Variants in COL5A2 observed in about 807,000 individuals in gnomAD.
COL5A2 encodes the protein collagen alpha-2(V) chain.
In COL5A2, 23 loss-of-function variants were observed where a neutral mutation model predicts 208.2. That is an observed-to-expected ratio of 0.11 (90% CI 0.08 to 0.16). The LOEUF is 0.16. COL5A2 is among the 10% of genes least tolerant of loss of function. The pLI, the probability that COL5A2 is intolerant of heterozygous loss-of-function variation, is 1.00. For synonymous variants in COL5A2, 625 were observed against 628.5 expected, an observed-to-expected ratio of 0.99 and a Z score of 0.08; for missense variants, 1,590 against 1,956.4, an observed-to-expected ratio of 0.81 and a Z score of 3.53.
rs730880067 is a variant in COL5A2 at position 189,051,456 on chromosome 2, A to G, written c.2795T>C (p.Leu932Pro). ...AGGTCCCTCCTTCCCGGGTTCCCCT[A>G]GGGGTCCCGCAGGTCCTGGAGCTCC... ...PAGAPGPAGP[L>P]GEPGKEGPPG... Residue 932 changes from leucine to proline, a missense_variant, in exon 42 of 54, where the codon CTA (leucine) becomes CCA (proline). By Grantham distance (98) the Leu-to-Pro change is moderately conservative. Coordinates refer to ENST00000374866, the MANE Select transcript of COL5A2 (RefSeq NM_000393.5). 3 of 1,611,178 alleles carry G rather than the reference A, an allele frequency of 1.9e-6. No individual in the cohort carries two copies.
chr2:189,128,332 C>G (rs1687647580), intron 1 of COL5A2, among the ~76,000 whole-genome samples: 1 of 151,956 alleles, frequency 6.6e-6, no homozygotes, highest in Non-Finnish European at 1.5e-5. Flanking sequence ...CTTTCCAAGC[C>G]ATCCAAAGCT....
At chr2:189,441,078 C>G in the COL5A2 span, among the ~76,000 whole-genome samples, 10 of 152,194 alleles carry the variant, frequency 6.6e-5, no homozygotes, top group African/African-American at 1.9e-4. Context: ...GCGAGAGGCT[C>G]GCGTCATCCT....
chr2:189,035,956 G>C (rs1685435972), intron 52 of COL5A2, among the ~76,000 whole-genome samples: 1 of 151,914 alleles, frequency 6.6e-6, no homozygotes, highest in South Asian at 2.1e-4. Flanking sequence ...GGTAGACTGG[G>C]ACTCAGAAAA....
chr2:189,230,122 G>A (rs1435988395), upstream of COL5A2, among the ~76,000 whole-genome samples: 2 of 151,650 alleles, frequency 1.3e-5, no homozygotes, highest in African/African-American at 4.8e-5. Context: ...TGAAAAAACT[G>A]GATATTTTCA....
the COL5A2 span, among the ~76,000 whole-genome samples, chr2:189,437,542 A>T: frequency 7.9e-5 from 12 of 152,350 alleles, no homozygotes; most frequent in Admixed American, 2.0e-4. Flanking sequence ...AATCATAGCC[A>T]AAACAGAAAA....
At chr2:189,103,516 A>C (rs1044583041) in intron 3 of COL5A2, among the ~76,000 whole-genome samples, 1 of 152,062 alleles carries the variant, frequency 6.6e-6, no homozygotes, top group African/African-American at 2.4e-5. Flanking sequence ...TGCCCATCTC[A>C]TTTGGATACA....
the COL5A2 span, among the ~76,000 whole-genome samples, chr2:189,239,900 C>T: frequency 6.6e-6 from 1 of 152,044 alleles, no homozygotes; most frequent in African/African-American, 2.4e-5. Context: ...AGGAACAAAG[C>T]CTGCTCATAC....
the COL5A2 span, among the ~76,000 whole-genome samples, chr2:189,254,804 A>G: frequency 6.6e-6 from 1 of 152,210 alleles, no homozygotes; most frequent in African/African-American, 2.4e-5. Context: ...TCAGAGGCCA[A>G]TTTGGGAAGC....
At chr2:189,275,698 G>A in the COL5A2 span, among the ~76,000 whole-genome samples, 7 of 151,962 alleles carry the variant, frequency 4.6e-5, no homozygotes, top group East Asian at 5.8e-4. Flanking sequence ...TGATCTGCCC[G>A]CCTCAGCCTC....
chr2:189,062,667 T>G (rs1048804901), intron 29 of COL5A2, among the ~76,000 whole-genome samples, 198 bp downstream of exon 29: 7 of 152,046 alleles, frequency 4.6e-5, no homozygotes, highest in Non-Finnish European at 5.9e-5. Context: ...AGTAAAAAGA[T>G]CAATCATTAT....
At chr2:189,394,330 T>C in the COL5A2 span, among the ~76,000 whole-genome samples, 3 of 152,168 alleles carry the variant, frequency 2.0e-5, no homozygotes, top group African/African-American at 4.8e-5. Flanking sequence ...AGAGTTACTA[T>C]GGACTGAATG....
intron 1 of COL5A2, among the ~76,000 whole-genome samples, chr2:189,175,509 G>C (rs1171157354): frequency 6.7e-6 from 1 of 149,998 alleles, no homozygotes; most frequent in African/African-American, 2.4e-5. Context: ...TTCACTACCT[G>C]CTTAAAAGCA....
chr2:189,214,733 C>T (rs137994520), intron 1 of COL5A2, among the ~76,000 whole-genome samples: 1 of 152,264 alleles, frequency 6.6e-6, no homozygotes, highest in East Asian at 1.9e-4. Context: ...AACCTTGTAG[C>T]TTGACTAACC....
chr2:189,429,135 C>T, the COL5A2 span, among the ~76,000 whole-genome samples: 1 of 152,134 alleles, frequency 6.6e-6, no homozygotes, highest in Non-Finnish European at 1.5e-5. Context: ...AAATGATAAC[C>T]ATGTGAGTTG....
At chr2:189,063,873 T>A in intron 26 of COL5A2, 107 bp downstream of exon 26, 1 of 868,280 alleles carries the variant, frequency 1.2e-6, no homozygotes, top group South Asian at 1.5e-5. Flanking sequence ...TATGTCAATA[T>A]GACCAGCATC....
chr2:189,363,602 C>A, the COL5A2 span, among the ~76,000 whole-genome samples: 2 of 151,806 alleles, frequency 1.3e-5, no homozygotes, highest in Non-Finnish European at 2.9e-5. Context: ...ATAATAATTT[C>A]AATTTAAATT....
At chr2:189,287,184 T>A in the COL5A2 span, among the ~76,000 whole-genome samples, 5 of 151,570 alleles carry the variant, frequency 3.3e-5, no homozygotes, top group African/African-American at 1.2e-4. Flanking sequence ...AAAAAAAAAA[T>A]AGTACCAAAT....
At chr2:189,083,951 CAA>C in intron 12 of COL5A2, 31 bp downstream of exon 12, 1 of 1,517,676 alleles carries the variant, frequency 6.6e-7, no homozygotes, top group Admixed American at 1.7e-5. Context: ...CTTTATTTTT[CAA>C]AGTTTGCCTT....
At chr2:189,047,104 G>A (rs1374201179) in intron 45 of COL5A2, among the ~76,000 whole-genome samples, 3 of 145,460 alleles carry the variant, frequency 2.1e-5, no homozygotes, top group Non-Finnish European at 3.0e-5. Context: ...CCTGGCAACA[G>A]AGCAAGACTC....
Sources: gnomAD v4.1 joint callset for allele counts (sites outside exome capture counted in the v4.1 genomes callset) on GRCh38, gnomAD v4.1.1 for gene constraint, MANE v1.5 for transcripts, NCBI Gene and HGNC (gene_info 2026-07-23, HGNC 2026-07-21) for gene names.